SLC20A2: variants seen among roughly 807,000 people sequenced by gnomAD.
SLC20A2 encodes the protein sodium-dependent phosphate transporter 2.
SLC20A2 carries 30 observed loss-of-function variants against 61.0 expected under a neutral mutation model. The ratio of observed to expected loss-of-function variants is 0.49; its 90% CI spans 0.37 to 0.67. SLC20A2 has a LOEUF of 0.67. Among genes scored for constraint, SLC20A2 ranks in the 30% least tolerant of loss-of-function variants. The pLI, the probability that SLC20A2 is intolerant of heterozygous loss-of-function variation, is 0.00. For missense variants in SLC20A2, 626 were observed against 866.4 expected, an observed-to-expected ratio of 0.72 and a Z score of 3.48; for synonymous variants, 351 against 353.3, an observed-to-expected ratio of 0.99 and a Z score of 0.07.
chr8:42,471,395 T>A (rs1586137883), intron 2 of SLC20A2, among the ~76,000 whole-genome samples: 1 of 152,142 alleles, frequency 6.6e-6, no homozygotes, highest in African/African-American at 2.4e-5. Flanking sequence ...ACCTCCACAC[T>A]TCATGTAGAC....
chr8:42,485,683 C>T (rs1808932657), intron 1 of SLC20A2, among the ~76,000 whole-genome samples: 1 of 147,786 alleles, frequency 6.8e-6, no homozygotes, highest in Non-Finnish European at 1.5e-5. Flanking sequence ...TGCGGTGGCT[C>T]ACACCTGTAA....
intron 1 of SLC20A2, among the ~76,000 whole-genome samples, chr8:42,525,229 G>A (rs748538113): frequency 1.3e-5 from 2 of 152,094 alleles, no homozygotes; most frequent in South Asian, 2.1e-4. Context: ...TCTATTTTTC[G>A]TGAGAATGCT....
At chr8:42,494,778 T>C (rs1809792285) in intron 1 of SLC20A2, among the ~76,000 whole-genome samples, 1 of 152,194 alleles carries the variant, frequency 6.6e-6, no homozygotes, top group Non-Finnish European at 1.5e-5. Flanking sequence ...TTTTACCTTT[T>C]TCTTCAAGTT....
intron 10 of SLC20A2, among the ~76,000 whole-genome samples, chr8:42,421,977 G>A (rs1047607303): frequency 4.6e-5 from 7 of 152,158 alleles, no homozygotes; most frequent in African/African-American, 1.7e-4. Context: ...GGTGGGTGAT[G>A]CAGTCCTGCC....
intron 5 of SLC20A2, among the ~76,000 whole-genome samples, chr8:42,446,291 A>G (rs968211454): frequency 6.6e-6 from 1 of 152,250 alleles, no homozygotes; most frequent in Non-Finnish European, 1.5e-5. Flanking sequence ...TGAGAACGTC[A>G]TCTTTTCATA....
chr8:42,513,997 G>A (rs1200520274), intron 1 of SLC20A2, among the ~76,000 whole-genome samples: 2 of 152,156 alleles, frequency 1.3e-5, no homozygotes, highest in African/African-American at 4.8e-5. Context: ...AGAGGTAGAA[G>A]ATTAGGTTGC....
intron 2 of SLC20A2, among the ~76,000 whole-genome samples, chr8:42,466,346 A>G (rs963303653): frequency 1.3e-5 from 2 of 152,168 alleles, no homozygotes; most frequent in Non-Finnish European, 2.9e-5. Context: ...TTGGCCTCCC[A>G]AAGTGCTGGG....
chr8:42,539,610 C>T (rs1812932717), intron 1 of SLC20A2, among the ~76,000 whole-genome samples: 1 of 152,262 alleles, frequency 6.6e-6, no homozygotes, highest in Non-Finnish European at 1.5e-5. Context: ...AATAGCCAGT[C>T]CACTGTTTTT....
chr8:42,438,076 A>AAAAC (rs1804473004), intron 7 of SLC20A2, among the ~76,000 whole-genome samples: 1 of 143,300 alleles, frequency 7.0e-6, no homozygotes, highest in African/African-American at 2.5e-5. Context: ...AAAAAAAAAA[A>AAAAC]AAAAAAAAAA....
At chr8:42,460,744 G>A (rs1348449659) in intron 4 of SLC20A2, among the ~76,000 whole-genome samples, 1 of 152,042 alleles carries the variant, frequency 6.6e-6, no homozygotes, top group Non-Finnish European at 1.5e-5. Context: ...AGAATATGAG[G>A]CATTTAGAGT....
chr8:42,459,015 G>C (rs1806465810), intron 5 of SLC20A2, among the ~76,000 whole-genome samples: 2 of 144,812 alleles, frequency 1.4e-5, no homozygotes, highest in Middle Eastern at 3.7e-3. Flanking sequence ...GCTCACGCCT[G>C]TAATCCCAGC....
chr8:42,428,557 C>T (rs941699740), intron 10 of SLC20A2, among the ~76,000 whole-genome samples: 7 of 152,232 alleles, frequency 4.6e-5, no homozygotes, highest in Admixed American at 1.3e-4. Context: ...CAGGTCTGAA[C>T]GAGAGATAGT....
chr8:42,525,707 C>T (rs760428365), intron 1 of SLC20A2, among the ~76,000 whole-genome samples: 1 of 151,556 alleles, frequency 6.6e-6, no homozygotes, highest in Non-Finnish European at 1.5e-5. Context: ...TGATTTGATA[C>T]CTCAATTGCC....
At chr8:42,533,815 T>C (rs1016236284) in intron 1 of SLC20A2, among the ~76,000 whole-genome samples, 2 of 151,198 alleles carry the variant, frequency 1.3e-5, no homozygotes, top group African/African-American at 4.9e-5. Context: ...TGCACCACCA[T>C]GCCCGGCTAA....
intron 2 of SLC20A2, among the ~76,000 whole-genome samples, chr8:42,470,406 A>G (rs943239077): frequency 2.0e-5 from 3 of 151,530 alleles, no homozygotes; most frequent in Admixed American, 6.6e-5. Context: ...TTTTGTACAG[A>G]CAGGGTCTCC....
chr8:42,517,351 G>A (rs1811377406), intron 1 of SLC20A2, among the ~76,000 whole-genome samples: 1 of 140,752 alleles, frequency 7.1e-6, no homozygotes, highest in East Asian at 2.1e-4. Context: ...CTGGGCAACT[G>A]TAGTGAGATC....
intron 1 of SLC20A2, among the ~76,000 whole-genome samples, chr8:42,506,516 C>T (rs770919342): frequency 3.3e-5 from 5 of 152,180 alleles, no homozygotes; most frequent in Non-Finnish European, 5.9e-5. Flanking sequence ...TGCTGAAGGG[C>T]AATTTGGGAT....
Position 42,437,075 on chromosome 8 carries a change from G to A in SLC20A2, c.1437C>T (p.Asp479=). The A allele has an allele frequency of 1.2e-6, 2 of 1,614,066 alleles. No individual in the cohort carries two copies. Among genetic ancestry groups the A allele is most frequent in the Non-Finnish European group, 1.7e-6 (2 of 1,180,036 alleles). ...GGAACAGGAGGTGAACCTCGGGTGC[G>A]TCCTTCTCCTCCTTCTCCTCCTCTG... The part of the protein sequence containing the change: ...DPAEEEKEEK[D]APEVHLLFHF... The change falls in exon 8 of 11, where the codon GAC becomes GAT. Residue 479 remains aspartate, a synonymous_variant. Coordinates refer to ENST00000520262, the MANE Select transcript of SLC20A2 (RefSeq NM_001257180.2). This position sits in a 1 kb window ranked among gnomAD's most constrained non-coding sequence, Gnocchi z 6.4.
chr8:42,457,395 T>C (rs1300600696), intron 5 of SLC20A2, among the ~76,000 whole-genome samples: 1 of 152,178 alleles, frequency 6.6e-6, no homozygotes, highest in Non-Finnish European at 1.5e-5. Context: ...GCTTCCTGCT[T>C]TCCTAGAACC....
Sources: gnomAD v4.1 joint callset for allele counts (sites outside exome capture counted in the v4.1 genomes callset) on GRCh38, gnomAD v4.1.1 for gene constraint, Gnocchi (gnomAD v3.1) non-coding constraint, MANE v1.5 for transcripts, NCBI Gene and HGNC (gene_info 2026-07-23, HGNC 2026-07-21) for gene names.